The following MTMR7 variants were observed in gnomAD, a reference collection of about 807,000 sequenced individuals.
The protein encoded by MTMR7 is myotubularin related protein 7, also known as phosphatidylinositol-3-phosphate phosphatase MTMR7.
A neutral mutation model predicts 81.2 loss-of-function variants in MTMR7; 76 were observed. The ratio of observed to expected loss-of-function variants is 0.94; its 90% CI spans 0.78 to 1.13. MTMR7 has a LOEUF of 1.13. Ranked by LOEUF, MTMR7 falls within the 50% of genes most tolerant of loss-of-function variation. The pLI is 0.00. For synonymous variants in MTMR7, 372 were observed against 289.8 expected (o/e 1.28, Z -2.88); for missense variants, 1,044 against 820.0 (o/e 1.27, Z -3.34).
intron 2 of MTMR7, among the ~76,000 whole-genome samples, chr8:17,372,175 A>C (rs1820440941): frequency 6.6e-6 from 1 of 152,156 alleles, no homozygotes; most frequent in Admixed American, 6.5e-5. Context: ...TTAATCTTTA[A>C]GTTTCCCCTC....
chr8:17,326,445 A>G (rs1818683726), intron 7 of MTMR7: 1 of 152,242 alleles, frequency 6.6e-6, no homozygotes, highest in Admixed American at 6.5e-5. Flanking sequence ...CTTGCAGTTC[A>G]TATAATGATC....
At chr8:17,385,247 C>A (rs1820893802) in intron 1 of MTMR7, among the ~76,000 whole-genome samples, 1 of 152,052 alleles carries the variant, frequency 6.6e-6, no homozygotes, top group Non-Finnish European at 1.5e-5. Flanking sequence ...GATCATGGGG[C>A]AGTTTCTCCT....
At chr8:17,364,035 T>A (rs1563359353) in intron 3 of MTMR7, among the ~76,000 whole-genome samples, 1 of 137,202 alleles carries the variant, frequency 7.3e-6, no homozygotes. Context: ...TTTTTTTTTT[T>A]TTTTTTTTTT....
At chr8:17,356,339 T>C (rs1819889427) in intron 4 of MTMR7, among the ~76,000 whole-genome samples, 1 of 152,148 alleles carries the variant, frequency 6.6e-6, no homozygotes, top group Non-Finnish European at 1.5e-5. Flanking sequence ...AGTCACAGTT[T>C]CCAAGAAACT....
intron 3 of MTMR7, among the ~76,000 whole-genome samples, chr8:17,370,441 A>G (rs1397850307): frequency 6.6e-6 from 1 of 150,954 alleles, no homozygotes; most frequent in Non-Finnish European, 1.5e-5. Context: ...AATCGCTTGA[A>G]CCCAGGAGGC....
chr8:17,400,053 G>C (rs1159257816), intron 1 of MTMR7, among the ~76,000 whole-genome samples: 1 of 152,064 alleles, frequency 6.6e-6, no homozygotes. Context: ...TTATGGCAGA[G>C]GAATACCCTT....
At chr8:17,328,109 G>A (rs1449464968) in intron 7 of MTMR7, among the ~76,000 whole-genome samples, 1 of 152,150 alleles carries the variant, frequency 6.6e-6, no homozygotes, top group Non-Finnish European at 1.5e-5. Flanking sequence ...AAAGCTACTC[G>A]TGGGGAGAAA....
At chr8:17,335,895 A>G (rs1464883246) in intron 6 of MTMR7, among the ~76,000 whole-genome samples, 2 of 152,194 alleles carry the variant, frequency 1.3e-5, no homozygotes, top group Non-Finnish European at 2.9e-5. Context: ...CCGCCGCCTT[A>G]CAGGCTGTGT....
At chr8:17,410,412 T>C (rs1210070810) in intron 1 of MTMR7, among the ~76,000 whole-genome samples, 2 of 136,938 alleles carry the variant, frequency 1.5e-5, no homozygotes, top group Non-Finnish European at 3.3e-5. Flanking sequence ...TGAAGTCTTT[T>C]CATTTAATTA....
rs971171739 is a variant in MTMR7, at chr8:17,300,191, A to G, written c.1654T>C (p.Cys552Arg). 6 of 1,612,044 alleles carry G rather than the reference A, an allele frequency of 3.7e-6. No individual in the cohort carries two copies. The African/African-American group carries it at 5.3e-5, about 14-fold the overall frequency. Residue 552 changes from cysteine (C) to arginine (R), a missense_variant, in exon 14 of 14, where the codon TGC (cysteine) becomes CGC (arginine). Transcript: ENST00000180173. The stretch of plus-strand genomic sequence containing the variant: ...CTTTGCTTACTCTTCACCTTAGTGC[A>G]ATTTAACTGGACCTTTTGAATTTTT... ...LEKIQKVQLN[C>R]TKVKSKQSEP... is the part of the protein sequence containing the mutation.
intron 7 of MTMR7, among the ~76,000 whole-genome samples, chr8:17,330,487 A>T (rs1053490147): frequency 2.6e-5 from 4 of 152,272 alleles, no homozygotes; most frequent in Non-Finnish European, 5.9e-5. Context: ...GAAGCAGCGG[A>T]CTAAGCTGGT....
chr8:17,384,419 A>T (rs1464354946), intron 1 of MTMR7, among the ~76,000 whole-genome samples: 1 of 152,312 alleles, frequency 6.6e-6, no homozygotes, highest in African/African-American at 2.4e-5. Flanking sequence ...TCTAAAAAAT[A>T]AATAAATAAA....
chr8:17,364,915 T>C (rs1284806929), intron 3 of MTMR7, among the ~76,000 whole-genome samples: 1 of 152,268 alleles, frequency 6.6e-6, no homozygotes, highest in Non-Finnish European at 1.5e-5. Context: ...GATTTCAATC[T>C]TTCCAGTAAG....
intron 6 of MTMR7, among the ~76,000 whole-genome samples, chr8:17,336,684 A>G (rs1400426334): frequency 1.3e-5 from 2 of 152,178 alleles, no homozygotes; most frequent in Non-Finnish European, 2.9e-5. Context: ...AGCAAGGACA[A>G]AAGGCCAGGC....
chr8:17,399,615 A>C (rs888514872), intron 1 of MTMR7, among the ~76,000 whole-genome samples: 1 of 152,182 alleles, frequency 6.6e-6, no homozygotes, highest in Non-Finnish European at 1.5e-5. Flanking sequence ...TCTTGACAGA[A>C]ATAGAAAAAA....
At chr8:17,335,834 C>T (rs1045833947) in intron 6 of MTMR7, among the ~76,000 whole-genome samples, 4 of 152,180 alleles carry the variant, frequency 2.6e-5, no homozygotes, top group South Asian at 2.1e-4. Context: ...AATCTCCATC[C>T]GGCCTAACTT....
At chr8:17,386,436 C>T (rs1207511381) in intron 1 of MTMR7, among the ~76,000 whole-genome samples, 1 of 152,176 alleles carries the variant, frequency 6.6e-6, no homozygotes, top group Non-Finnish European at 1.5e-5. Flanking sequence ...CTGATTCCAC[C>T]TCTATCTCCT....
chr8:17,402,550 A>C (rs1335316623), intron 1 of MTMR7, among the ~76,000 whole-genome samples: 1 of 152,196 alleles, frequency 6.6e-6, no homozygotes, highest in African/African-American at 2.4e-5. Flanking sequence ...ACTTAGCACA[A>C]TGACCTTCAG....
chr8:17,362,570 G>C (rs1354257101), intron 3 of MTMR7, among the ~76,000 whole-genome samples: 1 of 152,174 alleles, frequency 6.6e-6, no homozygotes, highest in Non-Finnish European at 1.5e-5. Context: ...GAGAGTCCAG[G>C]TTTAAATGAG....
Sources: gnomAD v4.1 joint callset for allele counts (sites outside exome capture counted in the v4.1 genomes callset) on GRCh38, gnomAD v4.1.1 for gene constraint, MANE v1.5 for transcripts, NCBI Gene and HGNC (gene_info 2026-07-23, HGNC 2026-07-21) for gene names.